ARID5B: variants seen among roughly 807,000 people sequenced by gnomAD.
ARID5B encodes the protein AT-rich interactive domain-containing protein 5B.
Under a neutral mutation model 97.2 loss-of-function variants are expected in ARID5B, and 13 were observed. That is an observed-to-expected ratio of 0.13 (90% CI 0.09 to 0.21). The LOEUF (loss-of-function observed/expected upper bound fraction) is 0.21. ARID5B is among the 10% of genes least tolerant of loss of function. The pLI, the probability that ARID5B is intolerant of heterozygous loss-of-function variation, is 1.00. For missense variants in ARID5B, 1,210 were observed against 1,465.3 expected (o/e 0.83, Z 2.84); for synonymous variants, 556 against 570.3 (o/e 0.97, Z 0.36).
At chr10:62,017,082 A>G (rs1301170940) in intron 4 of ARID5B, among the ~76,000 whole-genome samples, 1 of 152,222 alleles carries the variant, frequency 6.6e-6, no homozygotes, top group Non-Finnish European at 1.5e-5. Flanking sequence ...AAGGGGAAGT[A>G]GTGATTAATG....
At chr10:62,071,742 T>G (rs12773075) in intron 8 of ARID5B, among the ~76,000 whole-genome samples, 50,251 of 151,986 alleles carry the variant, frequency 0.33, 9,011 homozygotes, top group Non-Finnish European at 0.41. Flanking sequence ...TTTTAGTAGA[T>G]ATACCACAAA....
Position 62,049,619 on chromosome 10 carries a change from G to C in ARID5B, c.734-1269G>C, listed in dbSNP as rs1280456720. The C allele has an allele frequency of 4.8e-6, 6 of 1,243,728 alleles. No individual in the cohort carries two copies. In the African/African-American group the frequency reaches 9.0e-5, roughly 19 times the overall value. The allele number at this position is 1,243,728 out of a possible 1,614,324, so 77.0% of individuals were successfully genotyped here. A position where few individuals can be genotyped will look rare whatever the true frequency, so the allele number is the denominator to read the frequency against. On this transcript the variant is annotated intron_variant, in intron 4 of 9. Transcript: ENST00000279873. ...GAGGAGAGAGCGGGTGTGGGAAGGG[G>C]ATCCTAAGCCCTAAAGCCTCTTTTT...
At chr10:61,907,819 C>T (rs1043417395) in intron 2 of ARID5B, among the ~76,000 whole-genome samples, 11 of 152,264 alleles carry the variant, frequency 7.2e-5, no homozygotes, top group Non-Finnish European at 1.5e-4. Flanking sequence ...TGGCTGCTCT[C>T]AGGCTCCAAC....
At chr10:62,008,834 T>C (rs1839180385) in intron 4 of ARID5B, among the ~76,000 whole-genome samples, 1 of 152,200 alleles carries the variant, frequency 6.6e-6, no homozygotes. Flanking sequence ...CTGTGAGACA[T>C]GGGGTTTCCA....
chr10:62,084,643 A>C (rs1037090948), intron 8 of ARID5B, among the ~76,000 whole-genome samples: 1 of 152,248 alleles, frequency 6.6e-6, no homozygotes, highest in Non-Finnish European at 1.5e-5. Flanking sequence ...TAATCACTGA[A>C]GTTGAAACTG....
intron 2 of ARID5B, among the ~76,000 whole-genome samples, chr10:61,939,087 G>T (rs755902226): frequency 1.3e-5 from 2 of 151,560 alleles, no homozygotes; most frequent in South Asian, 4.2e-4. Flanking sequence ...GCCAAAATCA[G>T]TTGTGAATTC....
At chr10:62,017,878 A>G (rs927018553) in intron 4 of ARID5B, among the ~76,000 whole-genome samples, 2 of 152,210 alleles carry the variant, frequency 1.3e-5, no homozygotes, top group Non-Finnish European at 2.9e-5. Context: ...TTCACTGATA[A>G]TGTTCACAGT....
chr10:62,000,861 A>G lies in ARID5B; in HGVS notation c.733+540A>G, dbSNP rs894671837. ...GATAGATAGATAGATAGATAGATAG[A>G]TAGATAGATAGATGATAGGTGATAG... On this transcript the variant is annotated intron_variant, in intron 4 of 9. Coordinates refer to ENST00000279873, the MANE Select transcript of ARID5B (RefSeq NM_032199.3). The surrounding 1 kb of genome is among the most constrained non-coding windows in gnomAD (Gnocchi z 4.4). Among the ~76,000 whole-genome samples the G allele has an allele frequency of 2.0e-5, 3 of 152,130 alleles. No homozygotes were observed. Among genetic ancestry groups the G allele is most frequent in the Non-Finnish European group, 4.4e-5 (3 of 68,028 alleles).
rs368961584 is a variant in ARID5B at position 61,940,166 on chromosome 10, C to G, written c.277-17C>G. On this transcript the variant is annotated splice_polypyrimidine_tract_variant and intron_variant, in intron 2 of 9. Coordinates refer to ENST00000279873, the MANE Select transcript of ARID5B (RefSeq NM_032199.3). ...TATAAATAACGTTTTTTGTTCTTCC[C>G]CAACCACCTCTTGTAGGATGAAGTC... 1,691 of 1,612,742 alleles carry G rather than the reference C, an allele frequency of 1.0e-3. 22 individuals carry two copies. The South Asian group carries it at 0.018, about 17-fold the overall frequency.
chr10:62,059,458 T>G (rs1371825022), intron 7 of ARID5B, among the ~76,000 whole-genome samples, 163 bp downstream of exon 7: 1 of 152,194 alleles, frequency 6.6e-6, no homozygotes, highest in Non-Finnish European at 1.5e-5. Context: ...CAGTCCCAAT[T>G]AGTTCCAGGT....
chr10:61,974,616 A>G (rs575429565), intron 3 of ARID5B, among the ~76,000 whole-genome samples: 1 of 152,290 alleles, frequency 6.6e-6, no homozygotes, highest in South Asian at 2.1e-4. Context: ...GCTTTAAGAT[A>G]TTTCTCCTAA....
rs1310948086 is a variant in ARID5B at position 62,091,588 on chromosome 10, C to T, written c.2125C>T (p.Pro709Ser). The change falls in exon 10 of 10, where the codon CCT becomes TCT. Residue 709 changes from proline to serine, a missense_variant. Transcript: ENST00000279873. ...VSGASLSSSY[P>S]YGSPPPLISK... ...TGGGGCCAGCCTCTCCAGCAGCTAC[C>T]CTTATGGCTCCCCACCCCCTTTGAT... 1.2e-6 allele frequency: 2 copies of T among 1,612,784 alleles called. No individual in the cohort carries two copies. The highest frequency in any genetic ancestry group is 8.5e-7 in the Non-Finnish European group (1 of 1,179,468).
intron 2 of ARID5B, among the ~76,000 whole-genome samples, chr10:61,930,722 A>AAAATAAATAAATTAAAT (rs1554838317): frequency 2.1e-5 from 3 of 140,358 alleles, no homozygotes; most frequent in Non-Finnish European, 3.1e-5. Context: ...TCCGCCTCAA[A>AAAATAAATAAATTAAAT]AAATAAATAA....
At chr10:62,050,860 A>T in intron 4 of ARID5B, 28 bp from the exon 5 acceptor site, 2 of 1,576,552 alleles carry the variant, frequency 1.3e-6, no homozygotes, top group Non-Finnish European at 1.7e-6. Context: ...GTGAAAATGT[A>T]TATCAATTGT....
intron 3 of ARID5B, among the ~76,000 whole-genome samples, chr10:61,991,819 C>T (rs1048357179): frequency 1.3e-5 from 2 of 152,108 alleles, no homozygotes; most frequent in Non-Finnish European, 2.9e-5. Flanking sequence ...CACCTGAAGT[C>T]GGGAGTTCGA....
rs1840460107 is a variant in ARID5B at position 62,095,695 on chromosome 10, A to G, written c.*2665A>G. 4.3e-6 allele frequency: 1 copy of G among 232,792 alleles called. No homozygotes were observed. Among genetic ancestry groups the G allele is most frequent in the African/African-American group, 2.2e-5 (1 of 45,320 alleles). 14.4% of individuals were successfully genotyped at this position (232,792 alleles called of 1,614,324 possible). A position where few individuals can be genotyped will look rare whatever the true frequency, so the allele number is the denominator to read the frequency against. ...AACAGAGATCTTGGAAATCTTTCAA[A>G]AAGACCATTGAATTCTTCATTGGCT... On this transcript the variant is annotated 3_prime_UTR_variant, in exon 10 of 10. Coordinates refer to ENST00000279873, the MANE Select transcript of ARID5B (RefSeq NM_032199.3).
intron 4 of ARID5B, chr10:62,024,943 A>G (rs1839402123): frequency 3.3e-6 from 1 of 299,228 alleles, no homozygotes; most frequent in South Asian, 1.6e-4. Context: ...TAAGTGCCCT[A>G]CTGGAAGCAG....
At chr10:62,018,544 C>A (rs1020494915) in intron 4 of ARID5B, among the ~76,000 whole-genome samples, 1 of 151,258 alleles carries the variant, frequency 6.6e-6, no homozygotes, top group Non-Finnish European at 1.5e-5. Context: ...GTAAATATTG[C>A]CCGGTCTCCA....
At chr10:61,976,090 A>G (rs1838694722) in intron 3 of ARID5B, among the ~76,000 whole-genome samples, 1 of 152,232 alleles carries the variant, frequency 6.6e-6, no homozygotes, top group Non-Finnish European at 1.5e-5. Flanking sequence ...GCCTTTATAA[A>G]TGTCCATGCC....
Sources: gnomAD v4.1 joint callset for allele counts (sites outside exome capture counted in the v4.1 genomes callset) on GRCh38, gnomAD v4.1.1 for gene constraint, Gnocchi (gnomAD v3.1) non-coding constraint, MANE v1.5 for transcripts, NCBI Gene and HGNC (gene_info 2026-07-23, HGNC 2026-07-21) for gene names.